PHF10: variants seen among roughly 807,000 people sequenced by gnomAD.
PHF10 encodes BRG1-associated factor 45a.
In PHF10, 51 loss-of-function variants were observed where a neutral mutation model predicts 68.5. The observed-to-expected ratio is 0.74, with a 90% CI of 0.59 to 0.94. The LOEUF (loss-of-function observed/expected upper bound fraction) is 0.94. PHF10 is among the 40% of genes least tolerant of loss of function. The probability of loss-of-function intolerance (pLI) is 0.00; values close to 1 mark genes in which losing one functional copy is unlikely to be tolerated. For missense variants in PHF10, 460 were observed against 602.6 expected (o/e 0.76, Z 2.48); for synonymous variants, 204 against 203.5 (o/e 1.00, Z -0.02).
At chr6:169,708,596 TCA>T (rs1407302387) in intron 9 of PHF10, 1 of 152,166 alleles carries the variant, frequency 6.6e-6, no homozygotes, top group African/African-American at 2.4e-5. Context: ...CTAAAAATGT[TCA>T]CAGATTATGT....
In PHF10 at chr6:169,724,394, C is replaced by CT. The variant is rs1585308464; in HGVS notation, c.-464_-463insA. Among the ~76,000 whole-genome samples the CT allele has an allele frequency of 7.2e-6, 1 of 139,054 alleles. No homozygotes were observed. Among genetic ancestry groups the CT allele is most frequent in the Non-Finnish European group, 1.6e-5 (1 of 63,936 alleles). 91.2% of individuals were successfully genotyped at this position (139,054 alleles called of 152,430 possible). On this transcript the variant is annotated 5_prime_UTR_variant, in exon 1 of 12. Coordinates refer to ENST00000339209, the MANE Select transcript of PHF10 (RefSeq NM_018288.4). ...CAGCCCCGCGGCCGCCTCAGCCCCG[C>CT]CGCTCGCCTCAGCCCCGCCGCTCGC...
In PHF10 at chr6:169,724,285, A is replaced by C. The variant is rs1435478195; in HGVS notation, c.-354T>G. ...CACCGCCTCAGCACCGTTGCCCCCC[A>C]CAGCTCCGCCGCTGGCCTCAGCGCC... On this transcript the variant is annotated 5_prime_UTR_variant, in exon 1 of 12. Transcript: ENST00000339209. 5.3e-5 allele frequency among the ~76,000 whole-genome samples: 6 copies of C among 112,916 alleles called. No individual in the cohort carries two copies. The highest frequency in any genetic ancestry group is 9.2e-5 in the Non-Finnish European group (5 of 54,440). 74.1% of individuals were successfully genotyped at this position (112,916 alleles called of 152,430 possible).
chr6:169,718,689 A>G, intron 3 of PHF10, 99 bp downstream of exon 3: 1 of 745,782 alleles, frequency 1.3e-6, no homozygotes, highest in Non-Finnish European at 2.1e-6. Flanking sequence ...CAGCAAGCAC[A>G]AGAATATAAA....
chr6:169,716,168 C>G, intron 4 of PHF10, 80 bp from the exon 5 acceptor site: 1 of 849,026 alleles, frequency 1.2e-6, no homozygotes, highest in Non-Finnish European at 1.8e-6. Context: ...AAATTTAATT[C>G]TTCAAACCGC....
Position 169,716,097 on chromosome 6 carries a change from G to C in PHF10, c.410-9C>G, listed in dbSNP as rs751815280. ...GCGCAATGCTGTTAAGCCTATTTTA[G>C]ACCAAAAAATAAAAAAATAAAGAAG... On this transcript the variant is annotated splice_polypyrimidine_tract_variant and intron_variant, in intron 4 of 11. Coordinates refer to ENST00000339209, the MANE Select transcript of PHF10 (RefSeq NM_018288.4). 2.0e-6 allele frequency: 3 copies of C among 1,527,206 alleles called. No individual in the cohort carries two copies. The highest frequency in any genetic ancestry group is 8.8e-7 in the Non-Finnish European group (1 of 1,136,066). 94.6% of individuals were successfully genotyped at this position (1,527,206 alleles called of 1,614,324 possible). A position where few individuals can be genotyped will look rare whatever the true frequency, so the allele number is the denominator to read the frequency against.
chr6:169,716,841 C>T (rs1789059318), intron 4 of PHF10, among the ~76,000 whole-genome samples: 1 of 151,998 alleles, frequency 6.6e-6, no homozygotes, highest in African/African-American at 2.4e-5. Flanking sequence ...CCCTCAGCCT[C>T]CCAAGTAGCT....
At chr6:169,711,145 C>T (rs1304953851) in intron 8 of PHF10, among the ~76,000 whole-genome samples, 1 of 152,098 alleles carries the variant, frequency 6.6e-6, no homozygotes, top group Admixed American at 6.5e-5. Flanking sequence ...CACTTATATA[C>T]ATAAAGATAC....
In PHF10 at chr6:169,710,190, G is replaced by A. The variant is rs2128329463; in HGVS notation, c.1113+46C>T. On this transcript the variant is annotated intron_variant, in intron 9 of 11. Transcript: ENST00000339209. The stretch of plus-strand genomic sequence containing the variant: ...AAGTCAAGTTAAAATATTTCAGGGA[G>A]AGGCTGGTCAGTAAAGAAGCTGAGT... The A allele has an allele frequency of 2.8e-6, 4 of 1,412,562 alleles. No individual in the cohort carries two copies. In the South Asian group the frequency reaches 5.6e-5, roughly 20 times the overall value. The allele number at this position is 1,412,562 out of a possible 1,614,324, so 87.5% of individuals were successfully genotyped here. A position where few individuals can be genotyped will look rare whatever the true frequency, so the allele number is the denominator to read the frequency against.
intron 2 of PHF10, 173 bp from the exon 3 acceptor site, chr6:169,719,091 T>A: frequency 1.9e-6 from 1 of 516,822 alleles, no homozygotes; most frequent in Non-Finnish European, 3.4e-6. Flanking sequence ...TAGAAATAAT[T>A]ATCTGGTCTA....
intron 9 of PHF10, among the ~76,000 whole-genome samples, chr6:169,706,723 TACATACACACACACACACAC>T (rs1365790249): frequency 6.1e-4 from 44 of 72,534 alleles, no homozygotes; most frequent in African/African-American, 1.6e-3. Flanking sequence ...CATACATACA[TACATACACACACACACACAC>T]ACACACACAC....
intron 7 of PHF10, among the ~76,000 whole-genome samples, chr6:169,713,703 A>C (rs928420418): frequency 6.6e-6 from 1 of 152,184 alleles, no homozygotes; most frequent in African/African-American, 2.4e-5. Context: ...TTTCTGCCCA[A>C]GATTTGACTT....
In PHF10 at chr6:169,704,888, C is replaced by G. The variant is rs954747717; in HGVS notation, c.1411+245G>C. On this transcript the variant is annotated intron_variant, in intron 11 of 11. Transcript: ENST00000339209. ...TAGTATTTCAGTAGAAAAACACCAGCTCATTCTATAGAACTATACTTCCAA... is the reference window on the plus strand; with the variant it reads ...TAGTATTTCAGTAGAAAAACACCAGGTCATTCTATAGAACTATACTTCCAA... The G allele has an allele frequency of 3.2e-5, 12 of 372,320 alleles. No homozygotes were observed. The East Asian group carries it at 4.5e-4, about 14-fold the overall frequency. The allele number at this position is 372,320 out of a possible 1,614,324, so 23.1% of individuals were successfully genotyped here.
At chr6:169,723,623 A>T (rs1358211633) in intron 1 of PHF10, among the ~76,000 whole-genome samples, 1 of 152,040 alleles carries the variant, frequency 6.6e-6, no homozygotes, top group Non-Finnish European at 1.5e-5. Context: ...AACTTCGGGG[A>T]AGCCGCGCCG....
chr6:169,718,677 A>T, intron 3 of PHF10, 111 bp downstream of exon 3: 1 of 688,680 alleles, frequency 1.5e-6, no homozygotes, highest in Non-Finnish European at 2.3e-6. Context: ...CTTAAAAAAA[A>T]ACAGCAAGCA....
At chr6:169,708,946 T>C (rs1005555210) in intron 9 of PHF10, 9 of 151,908 alleles carry the variant, frequency 5.9e-5, no homozygotes, top group African/African-American at 2.2e-4. Flanking sequence ...TTAATTTATA[T>C]AAAGAAATTA....
intron 3 of PHF10, 82 bp from the exon 4 acceptor site, chr6:169,717,988 A>G: frequency 3.4e-6 from 2 of 596,440 alleles, no homozygotes; most frequent in Non-Finnish European, 3.0e-6. Context: ...AAAAACCTTG[A>G]CTTTTTAAAG....
rs1788642893 is a variant in PHF10 at position 169,703,920 on chromosome 6, T to C, written c.*83A>G. ...AAGCTCATAATTTGCAAAAAAAATC[T>C]TTTATTGGCATGAAAATAATGTTGT... On this transcript the variant is annotated 3_prime_UTR_variant, in exon 12 of 12. Coordinates refer to ENST00000339209, the MANE Select transcript of PHF10 (RefSeq NM_018288.4). 4.3e-6 allele frequency: 5 copies of C among 1,163,476 alleles called. No homozygotes were observed. The highest frequency in any genetic ancestry group is 6.0e-5 in the Admixed American group (2 of 33,192). 72.1% of individuals were successfully genotyped at this position (1,163,476 alleles called of 1,614,324 possible).
intron 4 of PHF10, among the ~76,000 whole-genome samples, chr6:169,717,523 A>C (rs912822917): frequency 6.6e-6 from 1 of 152,230 alleles, no homozygotes; most frequent in Non-Finnish European, 1.5e-5. Flanking sequence ...GTTACATATT[A>C]TACTGCAAGT....
At chr6:169,708,115 G>A (rs1334324050) in intron 9 of PHF10, 1 of 152,110 alleles carries the variant, frequency 6.6e-6, no homozygotes, top group Admixed American at 6.6e-5. Context: ...CATCATCAGA[G>A]TATCACTATT....
Sources: gnomAD v4.1 joint callset for allele counts (sites outside exome capture counted in the v4.1 genomes callset) on GRCh38, gnomAD v4.1.1 for gene constraint, MANE v1.5 for transcripts, NCBI Gene and HGNC (gene_info 2026-07-23, HGNC 2026-07-21) for gene names.